The following ZZEF1 variants were observed in gnomAD, a reference collection of about 807,000 sequenced individuals.
The protein encoded by ZZEF1 is zinc finger ZZ-type and EF-hand domain containing 1.
A neutral mutation model predicts 342.8 loss-of-function variants in ZZEF1; 157 were observed. That is an observed-to-expected ratio of 0.46 (90% CI 0.40 to 0.52). The LOEUF (loss-of-function observed/expected upper bound fraction) is 0.52. Among genes scored for constraint, ZZEF1 ranks in the 20% least tolerant of loss-of-function variants. ZZEF1 has a pLI of 0.00. For synonymous variants in ZZEF1, 1,505 were observed against 1,429.1 expected (o/e 1.05, Z -1.20); for missense variants, 3,480 against 3,725.6 (o/e 0.93, Z 1.72).
chr17:4,082,591 C>G lies in ZZEF1; in HGVS notation c.2647-87G>C, dbSNP rs1340216845. ...GAGCGGCAATGAAACATCACCACCC[C>G]ACTGTTCTCAAGTATGAGGAATGCC... On this transcript the variant is annotated intron_variant, in intron 16 of 54. Coordinates refer to ENST00000381638, the MANE Select transcript of ZZEF1 (RefSeq NM_015113.4). The G allele has an allele frequency of 4.8e-6, 6 of 1,250,250 alleles. No individual in the cohort carries two copies. In the Admixed American group the frequency reaches 1.1e-4, roughly 23 times the overall value. 77.4% of individuals were successfully genotyped at this position (1,250,250 alleles called of 1,614,324 possible). A position where few individuals can be genotyped will look rare whatever the true frequency, so the allele number is the denominator to read the frequency against.
At position 4,074,237 on chromosome 17, in the gene ZZEF1, C is replaced by A. The variant is rs778340915; in HGVS notation, c.3598G>T (p.Val1200Leu). ...VTACGLPDVAVSWGLDLQLLV... is the reference protein window; with the variant it reads ...VTACGLPDVALSWGLDLQLLV... ...AGCTGTAAATCCAGCCCCCAAGACACGGCAACATCGGGCAGCCCACAGGCA... is the reference window on the plus strand; with the variant it reads ...AGCTGTAAATCCAGCCCCCAAGACAAGGCAACATCGGGCAGCCCACAGGCA... The change falls in exon 24 of 55, where the codon GTG (valine) becomes TTG (leucine). Residue 1200 changes from valine to leucine, a missense_variant. Physicochemically the swap from Val to Leu is conservative, Grantham distance 32. Transcript: ENST00000381638. 9 of 1,614,010 alleles carry A rather than the reference C, an allele frequency of 5.6e-6. No individual in the cohort carries two copies. The highest frequency in any genetic ancestry group is 6.8e-6 in the Non-Finnish European group (8 of 1,180,040).
intron 3 of ZZEF1, among the ~76,000 whole-genome samples, chr17:4,115,466 C>A (rs555676571): frequency 2.2e-4 from 33 of 152,230 alleles, no homozygotes; most frequent in African/African-American, 7.7e-4. Context: ...AGGTCGAGAC[C>A]AGCCTGGCCA....
intron 16 of ZZEF1, among the ~76,000 whole-genome samples, chr17:4,082,810 T>C (rs1363260489): frequency 1.3e-5 from 2 of 152,170 alleles, no homozygotes; most frequent in Non-Finnish European, 2.9e-5. Flanking sequence ...AATTTCGCTC[T>C]TGTTGCCTGG....
rs749079461 is a variant in ZZEF1, at chr17:4,087,547, A to G, written c.2242-13T>C. 1.9e-6 allele frequency: 3 copies of G among 1,595,106 alleles called. No individual in the cohort carries two copies. Among genetic ancestry groups the G allele is most frequent in the Non-Finnish European group, 2.6e-6 (3 of 1,172,442 alleles). On this transcript the variant is annotated splice_polypyrimidine_tract_variant and intron_variant, in intron 13 of 54. Transcript: ENST00000381638. ...CCTTCTGCTGCACCTAAAAAATTAT[A>G]AAGATCAGAATAAATAAAACTGAAA...
Position 4,059,292 on chromosome 17 carries a change from T to A in ZZEF1, c.4884-2A>T. On this transcript the variant is annotated splice_acceptor_variant, in intron 30 of 54. Coordinates refer to ENST00000381638, the MANE Select transcript of ZZEF1 (RefSeq NM_015113.4). LOFTEE classifies it high-confidence loss of function. ...CAGCCTTCCAGGTGTCCAAAATAAC[T>A]AGAAACAGAGGAAATCACTGATTCA... The A allele has an allele frequency of 6.3e-7, 1 of 1,595,314 alleles. No homozygotes were observed. The highest frequency in any genetic ancestry group is 8.5e-7 in the Non-Finnish European group (1 of 1,176,238).
chr17:4,032,109 A>G lies in ZZEF1; in HGVS notation c.6892+17T>C. On this transcript the variant is annotated intron_variant, in intron 42 of 54. Transcript: ENST00000381638. Reference sequence around the variant, plus strand: ...ATTTTTCTTCCATTCTTAGAAAAAAATAATTACGCATGGTACCTGTTTTCC... The same window carrying G: ...ATTTTTCTTCCATTCTTAGAAAAAAGTAATTACGCATGGTACCTGTTTTCC... The G allele has an allele frequency of 2.5e-6, 4 of 1,600,674 alleles. No homozygotes were observed. The highest frequency in any genetic ancestry group is 3.4e-6 in the Non-Finnish European group (4 of 1,176,084).
intron 39 of ZZEF1, among the ~76,000 whole-genome samples, chr17:4,040,478 T>C (rs575055938): frequency 6.6e-6 from 1 of 152,268 alleles, no homozygotes; most frequent in Admixed American, 6.5e-5. Flanking sequence ...ACTTGGGATA[T>C]GATGAGGGAA....
At chr17:4,056,923 C>T (rs150906237) in intron 32 of ZZEF1, 76 of 152,286 alleles carry the variant, frequency 5.0e-4, no homozygotes, top group African/African-American at 1.7e-3. Flanking sequence ...TTATAAGTTC[C>T]TTTTGGATGC....
chr17:4,038,955 G>A (rs528791347), intron 39 of ZZEF1, among the ~76,000 whole-genome samples: 31 of 152,128 alleles, frequency 2.0e-4, no homozygotes, highest in African/African-American at 6.0e-4. Context: ...GGTTGTAAGA[G>A]TTCTTTATAT....
chr17:4,079,017 G>C (rs1023224169), intron 18 of ZZEF1, among the ~76,000 whole-genome samples: 1 of 152,176 alleles, frequency 6.6e-6, no homozygotes, highest in African/African-American at 2.4e-5. Flanking sequence ...AACTTCTTTT[G>C]TACCACAGGT....
chr17:4,097,258 A>AAAAAAG (rs576512336), intron 9 of ZZEF1, among the ~76,000 whole-genome samples: 4 of 151,406 alleles, frequency 2.6e-5, no homozygotes, highest in Admixed American at 6.6e-5. Context: ...TCTCAAAAAA[A>AAAAAAG]AAAAAGAAAA....
intron 41 of ZZEF1, 133 bp from the exon 42 acceptor site, chr17:4,032,391 C>G (rs1431225931): frequency 2.0e-6 from 2 of 1,001,182 alleles, no homozygotes; most frequent in African/African-American, 3.3e-5. Flanking sequence ...ATCTTCTCAT[C>G]TCTAAGTCCA....
At position 4,024,138 on chromosome 17, in the gene ZZEF1, G is replaced by T. The variant is rs151276110; in HGVS notation, c.7092+781C>A. ...CCCAATCGCTGCCTCTCAGGTATGG[G>T]AAATTCTCATAAGTCAGCTGCTCAT... is the stretch of plus-strand genomic sequence containing the variant. On this transcript the variant is annotated intron_variant, in intron 43 of 54. Coordinates refer to ENST00000381638, the MANE Select transcript of ZZEF1 (RefSeq NM_015113.4). 9.4e-4 allele frequency among the ~76,000 whole-genome samples: 139 copies of T among 147,702 alleles called. 1 individual carries two copies. Among genetic ancestry groups the T allele is most frequent in the African/African-American group, 3.2e-3 (128 of 39,722 alleles).
chr17:4,062,135 C>T, intron 30 of ZZEF1, among the ~76,000 whole-genome samples: 1 of 152,088 alleles, frequency 6.6e-6, no homozygotes, highest in East Asian at 1.9e-4. Context: ...CTGCACTGTT[C>T]CTTCTGCCTT....
intron 39 of ZZEF1, among the ~76,000 whole-genome samples, chr17:4,039,807 C>T (rs552132782): frequency 2.0e-5 from 3 of 151,978 alleles, no homozygotes; most frequent in African/African-American, 7.2e-5. Context: ...CCACGCCTGG[C>T]TAATTTTTTT....
chr17:4,113,032 T>C (rs2058339553), intron 4 of ZZEF1, among the ~76,000 whole-genome samples: 1 of 152,238 alleles, frequency 6.6e-6, no homozygotes, highest in African/African-American at 2.4e-5. Context: ...TACGATTCCT[T>C]TTAAGCTATT....
At chr17:4,119,858 A>C (rs2058455338) in intron 2 of ZZEF1, among the ~76,000 whole-genome samples, 1 of 150,762 alleles carries the variant, frequency 6.6e-6, no homozygotes, top group Non-Finnish European at 1.5e-5. Flanking sequence ...GTATAGAGTC[A>C]CTAAACTCCT....
chr17:4,017,115 T>G lies in ZZEF1; in HGVS notation c.8001+256A>C. The G allele has an allele frequency of 4.1e-6, 2 of 482,128 alleles. No homozygotes were observed. The highest frequency in any genetic ancestry group is 7.4e-6 in the Non-Finnish European group (2 of 269,374). 29.9% of individuals were successfully genotyped at this position (482,128 alleles called of 1,614,324 possible). On this transcript the variant is annotated intron_variant, in intron 48 of 54. Transcript: ENST00000381638. The surrounding 1 kb of genome is among the most constrained non-coding windows in gnomAD (Gnocchi z 5.1). ...AGGAGCTACCGAATGTGCCTCAAGA[T>G]TTCTGCACTTGGAAACTGGGAAGAT...
At chr17:4,092,026 A>G (rs1254368028) in intron 11 of ZZEF1, among the ~76,000 whole-genome samples, 3 of 151,518 alleles carry the variant, frequency 2.0e-5, no homozygotes, top group Admixed American at 6.6e-5. Context: ...CGGTGAGCCA[A>G]GATCGTGCCA....
Sources: gnomAD v4.1 joint callset for allele counts (sites outside exome capture counted in the v4.1 genomes callset) on GRCh38, gnomAD v4.1.1 for gene constraint, Gnocchi (gnomAD v3.1) non-coding constraint, MANE v1.5 for transcripts, NCBI Gene and HGNC (gene_info 2026-07-23, HGNC 2026-07-21) for gene names.